The following WDR72 variants were observed in gnomAD, a reference collection of about 807,000 sequenced individuals.
The protein encoded by WDR72 is WD repeat domain 72.
In WDR72, 120 loss-of-function variants were observed where a neutral mutation model predicts 124.2. The observed-to-expected ratio is 0.97, with a 90% confidence interval of 0.83 to 1.12. The LOEUF (loss-of-function observed/expected upper bound fraction) is 1.12. Ranked by LOEUF, WDR72 falls within the 50% of genes most tolerant of loss-of-function variation. The pLI is 0.00. For missense variants in WDR72, 1,387 were observed against 1,278.8 expected (o/e 1.08, Z -1.29); for synonymous variants, 452 against 441.7 (o/e 1.02, Z -0.29).
At chr15:53,609,443 G>A in intron 17 of WDR72, 70 bp downstream of exon 17, 1 of 1,311,978 alleles carries the variant, frequency 7.6e-7, no homozygotes, top group East Asian at 2.3e-5. Context: ...TTCAGATAGA[G>A]GGGGGTATCC....
chr15:53,705,085 A>G lies in WDR72; in HGVS notation c.1251T>C (p.Asp417=), dbSNP rs1461892569. The change falls in exon 11 of 20, where the codon GAT becomes GAC. Residue 417 remains aspartate (D), a synonymous_variant. Coordinates refer to ENST00000360509, the MANE Select transcript of WDR72 (RefSeq NM_182758.4). Reference sequence around the variant, plus strand: ...CATCTTCACAGCCACATATTAGTTTATCAAGACTTGGAATATACTCTGATG... The same window carrying G: ...CATCTTCACAGCCACATATTAGTTTGTCAAGACTTGGAATATACTCTGATG... ...VTSSEYIPSL[D]KLICGCEDGT... 9 of 1,614,152 alleles carry G rather than the reference A, an allele frequency of 5.6e-6. No individual in the cohort carries two copies. Among genetic ancestry groups the G allele is most frequent in the Non-Finnish European group, 7.6e-6 (9 of 1,180,020 alleles).
At chr15:53,609,384 A>G in intron 17 of WDR72, 129 bp downstream of exon 17, 1 of 774,162 alleles carries the variant, frequency 1.3e-6, no homozygotes, top group Non-Finnish European at 2.2e-6. Flanking sequence ...CCTCATCTCT[A>G]TGTCTGTTCA....
chr15:53,724,613 T>A (rs562736257), intron 2 of WDR72, among the ~76,000 whole-genome samples: 1 of 152,224 alleles, frequency 6.6e-6, no homozygotes, highest in Non-Finnish European at 1.5e-5. Context: ...TCACTCACTA[T>A]CACAAGAACA....
intron 13 of WDR72, among the ~76,000 whole-genome samples, chr15:53,688,191 T>C (rs998431857): frequency 2.0e-5 from 3 of 150,940 alleles, no homozygotes; most frequent in African/African-American, 5.0e-5. Context: ...CCATTCAACA[T>C]AGTGTTGGAA....
chr15:53,625,729 C>T (rs188309841), intron 14 of WDR72, among the ~76,000 whole-genome samples: 2 of 150,154 alleles, frequency 1.3e-5, no homozygotes, highest in Non-Finnish European at 1.5e-5. Context: ...GCCAATGACA[C>T]GAAATGCAAA....
At chr15:53,557,017 A>G (rs759324656) in intron 18 of WDR72, among the ~76,000 whole-genome samples, 15 of 152,156 alleles carry the variant, frequency 9.9e-5, no homozygotes, top group Admixed American at 4.6e-4. Context: ...AAAGATGAAT[A>G]CAATAATTTA....
At chr15:53,640,428 A>G (rs1275189282) in intron 14 of WDR72, among the ~76,000 whole-genome samples, 1 of 152,152 alleles carries the variant, frequency 6.6e-6, no homozygotes, top group Non-Finnish European at 1.5e-5. Context: ...CTGATGTAGA[A>G]TTTGGGGTAA....
chr15:53,660,581 G>A (rs1225606485), intron 14 of WDR72, among the ~76,000 whole-genome samples: 1 of 151,988 alleles, frequency 6.6e-6, no homozygotes, highest in East Asian at 1.9e-4. Flanking sequence ...TCAGCTAAAG[G>A]TTAAAAATAT....
chr15:53,552,291 C>T (rs1906423), intron 18 of WDR72, among the ~76,000 whole-genome samples: 34,166 of 151,948 alleles, frequency 0.22, 3,870 homozygotes, highest in African/African-American at 0.26. Flanking sequence ...TCACTGGGCT[C>T]ATGGATGCTA....
intron 18 of WDR72, among the ~76,000 whole-genome samples, chr15:53,555,523 C>A (rs1021896300): frequency 1.9e-4 from 29 of 152,078 alleles, no homozygotes; most frequent in African/African-American, 7.0e-4. Context: ...TCATTTGCCT[C>A]TTTCCCACTT....
intron 18 of WDR72, 57 bp from the exon 19 acceptor site, chr15:53,523,379 TAG>T: frequency 6.6e-7 from 1 of 1,514,388 alleles, no homozygotes. Context: ...GAAAAAGTAG[TAG>T]CAAACACCAT....
intron 14 of WDR72, among the ~76,000 whole-genome samples, chr15:53,654,711 T>C (rs995482519): frequency 1.3e-5 from 2 of 152,186 alleles, no homozygotes; most frequent in African/African-American, 4.8e-5. Context: ...AGGTAGACCA[T>C]TTAAATCAGA....
chr15:53,515,931 G>A lies in WDR72; in HGVS notation c.*1768C>T, dbSNP rs1891436889. ...TAACAATTAAAAATGCCTCATTTGA[G>A]AGGACATACACTTATTTGATATTGC... On this transcript the variant is annotated 3_prime_UTR_variant, in exon 20 of 20. Coordinates refer to ENST00000360509, the MANE Select transcript of WDR72 (RefSeq NM_182758.4). 1 of 152,102 alleles carries A rather than the reference G, an allele frequency of 6.6e-6. No homozygotes were observed. The highest frequency in any genetic ancestry group is 2.4e-5 in the African/African-American group (1 of 41,430). The allele number at this position is 152,102 out of a possible 1,614,324, so 9.4% of individuals were successfully genotyped here.
chr15:53,619,156 C>T (rs7178941), intron 14 of WDR72, among the ~76,000 whole-genome samples: 19,613 of 151,684 alleles, frequency 0.13, 2,894 homozygotes, highest in African/African-American at 0.36. Flanking sequence ...ATTTTTAAAC[C>T]TACTTATTAT....
chr15:53,688,909 C>CG (rs892256552), intron 13 of WDR72, among the ~76,000 whole-genome samples: 12 of 152,004 alleles, frequency 7.9e-5, no homozygotes, highest in African/African-American at 2.9e-4. Context: ...GAAATAACGC[C>CG]GCATATCTAC....
At chr15:53,678,797 C>T (rs1053874265) in intron 13 of WDR72, among the ~76,000 whole-genome samples, 13 of 152,268 alleles carry the variant, frequency 8.5e-5, no homozygotes, top group Admixed American at 2.6e-4. Flanking sequence ...TCTGTGTTGA[C>T]TTCTGGGTAT....
At chr15:53,646,800 G>T (rs2015058391) in intron 14 of WDR72, among the ~76,000 whole-genome samples, 1 of 151,838 alleles carries the variant, frequency 6.6e-6, no homozygotes, top group East Asian at 1.9e-4. Flanking sequence ...AAAGCTCTGG[G>T]ACAGTTAAAA....
chr15:53,717,406 G>C (rs2017744061), intron 3 of WDR72, among the ~76,000 whole-genome samples: 1 of 152,008 alleles, frequency 6.6e-6, no homozygotes, highest in Non-Finnish European at 1.5e-5. Context: ...GCAAGAAAAA[G>C]AAAAGTTTTA....
chr15:53,636,227 A>G (rs968001082), intron 14 of WDR72, among the ~76,000 whole-genome samples: 1 of 152,200 alleles, frequency 6.6e-6, no homozygotes, highest in Non-Finnish European at 1.5e-5. Flanking sequence ...TCTGTTTCAC[A>G]ATCAAGATCG....
Sources: gnomAD v4.1 joint callset for allele counts (sites outside exome capture counted in the v4.1 genomes callset) on GRCh38, gnomAD v4.1.1 for gene constraint, MANE v1.5 for transcripts, NCBI Gene and HGNC (gene_info 2026-07-23, HGNC 2026-07-21) for gene names.